Variants in SLC22A4 observed in about 807,000 individuals in gnomAD.
SLC22A4 encodes ET transporter.
Under a neutral mutation model 56.6 loss-of-function variants are expected in SLC22A4, and 39 were observed. The observed-to-expected ratio is 0.69, with a 90% CI of 0.53 to 0.90. The LOEUF (loss-of-function observed/expected upper bound fraction) is 0.90, where lower values mean the gene tolerates loss of function less well. SLC22A4 is among the 40% of genes least tolerant of loss of function. The pLI is 0.00. For synonymous variants in SLC22A4, 241 were observed against 281.4 expected (o/e 0.86, Z 1.44); for missense variants, 594 against 696.5 (o/e 0.85, Z 1.66).
At chr5:132,336,420 AG>A (rs1046277042) in intron 8 of SLC22A4, among the ~76,000 whole-genome samples, 126 of 152,288 alleles carry the variant, frequency 8.3e-4, no homozygotes, top group African/African-American at 2.8e-3. Flanking sequence ...GCTACTCTGG[AG>A]GCTGAGGTAG....
chr5:132,337,025 G>A (rs1751043244), intron 8 of SLC22A4, among the ~76,000 whole-genome samples: 1 of 152,132 alleles, frequency 6.6e-6, no homozygotes, highest in African/African-American at 2.4e-5. Flanking sequence ...TCATTTCCAG[G>A]TTTTTGCTAT....
chr5:132,337,066 A>G (rs1249470018), intron 8 of SLC22A4, among the ~76,000 whole-genome samples: 1 of 151,924 alleles, frequency 6.6e-6, no homozygotes, highest in Non-Finnish European at 1.5e-5. Flanking sequence ...ACATTCTCCT[A>G]TGCTCCTACA....
At chr5:132,296,895 G>T (rs1326096550) in intron 1 of SLC22A4, among the ~76,000 whole-genome samples, 1 of 140,934 alleles carries the variant, frequency 7.1e-6, no homozygotes, top group Non-Finnish European at 1.5e-5. Flanking sequence ...AGCTACTCAT[G>T]TTGTACGCTG....
intron 1 of SLC22A4, among the ~76,000 whole-genome samples, chr5:132,300,439 C>T (rs1184430237): frequency 6.6e-6 from 1 of 152,222 alleles, no homozygotes; most frequent in African/African-American, 2.4e-5. Context: ...ACAATTATTA[C>T]TGCAGTTTGC....
Position 132,333,725 on chromosome 5 carries a change from G to C in SLC22A4, c.1047-993G>C, listed in dbSNP as rs377612613. 4.7e-3 allele frequency among the ~76,000 whole-genome samples: 707 copies of C among 151,626 alleles called. 2 individuals are homozygous for C. The highest frequency in any genetic ancestry group is 7.8e-3 in the Non-Finnish European group (529 of 67,866). ...AGGAGGAAAGAGAAAAGAAGAGAGA[G>C]AGAAAATAAACTATCTCTTAGAAAA... On this transcript the variant is annotated intron_variant, in intron 6 of 9. Coordinates refer to ENST00000200652, the MANE Select transcript of SLC22A4 (RefSeq NM_003059.3).
chr5:132,339,166 CT>C (rs1306204259), intron 8 of SLC22A4, among the ~76,000 whole-genome samples: 7 of 152,200 alleles, frequency 4.6e-5, no homozygotes, highest in African/African-American at 1.7e-4. Context: ...GTGTATTCAT[CT>C]TTTTCTTTTT....
Position 132,312,181 on chromosome 5 carries a change from C to A in SLC22A4, c.414C>A (p.Asp138Glu), listed in dbSNP as rs769416460. Residue 138 changes from aspartate to glutamate, a missense_variant, in exon 2 of 10, where the codon GAC becomes GAA. Asp to Glu is a conservative substitution (Grantham distance 45). Coordinates refer to ENST00000200652, the MANE Select transcript of SLC22A4 (RefSeq NM_003059.3). ...GGCAGTGGAATCTGGTGTGTGAGGA[C>A]AACTGGAAGGTGCCCCTCACCACCT... Reference protein sequence around the residue: ...VVTEWNLVCEDNWKVPLTTSL... With the variant: ...VVTEWNLVCEENWKVPLTTSL... The A allele has an allele frequency of 6.2e-7, 1 of 1,611,214 alleles. No individual in the cohort carries two copies. The highest frequency in any genetic ancestry group is 8.5e-7 in the Non-Finnish European group (1 of 1,177,416).
At chr5:132,295,327 T>G in intron 1 of SLC22A4, 2 of 576,334 alleles carry the variant, frequency 3.5e-6, no homozygotes, top group East Asian at 4.0e-5. Flanking sequence ...AGCCCCAGGC[T>G]ACCCAGACGC....
At chr5:132,303,884 G>A (rs532616222) in intron 1 of SLC22A4, among the ~76,000 whole-genome samples, 4 of 152,248 alleles carry the variant, frequency 2.6e-5, no homozygotes, top group East Asian at 1.9e-4. Flanking sequence ...TTTGCCCAGC[G>A]GGGAGAGATA....
At chr5:132,304,108 A>G (rs1749969362) in intron 1 of SLC22A4, among the ~76,000 whole-genome samples, 1 of 152,222 alleles carries the variant, frequency 6.6e-6, no homozygotes, top group African/African-American at 2.4e-5. Context: ...AAACAAACAA[A>G]ACAAGAAAGA....
At chr5:132,298,535 T>G (rs1749830056) in intron 1 of SLC22A4, among the ~76,000 whole-genome samples, 1 of 152,192 alleles carries the variant, frequency 6.6e-6, no homozygotes, top group South Asian at 2.1e-4. Context: ...TGTTGGAGAT[T>G]GATTGCACAA....
At chr5:132,339,014 T>C (rs150191101) in intron 8 of SLC22A4, among the ~76,000 whole-genome samples, 11,806 of 152,228 alleles carry the variant, frequency 0.078, 604 homozygotes, top group South Asian at 0.15. Context: ...TGTTCAGAGA[T>C]TGCAGTAAAG....
At position 132,313,599 on chromosome 5, in the gene SLC22A4, T is replaced by C. The variant is rs753395519; in HGVS notation, c.498-15T>C. The C allele has an allele frequency of 5.0e-6, 8 of 1,613,836 alleles. No homozygotes were observed. The Admixed American group carries it at 1.2e-4, about 24-fold the overall frequency. On this transcript the variant is annotated splice_polypyrimidine_tract_variant and intron_variant, in intron 2 of 9. Coordinates refer to ENST00000200652, the MANE Select transcript of SLC22A4 (RefSeq NM_003059.3). Reference sequence around the variant, plus strand: ...CCTACACATCTCATGTTTTGTGTTATACTGCATTCTCTAGGTTTGGCAGGA... The same window carrying C: ...CCTACACATCTCATGTTTTGTGTTACACTGCATTCTCTAGGTTTGGCAGGA...
At chr5:132,312,993 TA>T (rs1164440106) in intron 2 of SLC22A4, among the ~76,000 whole-genome samples, 2 of 152,216 alleles carry the variant, frequency 1.3e-5, no homozygotes, top group African/African-American at 4.8e-5. Context: ...AATGTGAAGA[TA>T]ATACTTAAAA....
chr5:132,338,189 G>A (rs1751083687), intron 8 of SLC22A4, among the ~76,000 whole-genome samples: 1 of 152,150 alleles, frequency 6.6e-6, no homozygotes, highest in South Asian at 2.1e-4. Context: ...AAAGCTAGGT[G>A]TCCGGGGGAG....
Position 132,312,189 on chromosome 5 carries a change from A to G in SLC22A4, c.422A>G (p.Lys141Arg). 6.2e-7 allele frequency: 1 copy of G among 1,612,782 alleles called. No homozygotes were observed. Among genetic ancestry groups the G allele is most frequent in the African/African-American group, 1.3e-5 (1 of 75,036 alleles). Residue 141 changes from lysine to arginine, a missense_variant, in exon 2 of 10, where the codon AAG becomes AGG. By Grantham distance (26) the Lys-to-Arg change is conservative. Transcript: ENST00000200652. ...AATCTGGTGTGTGAGGACAACTGGA[A>G]GGTGCCCCTCACCACCTCCCTGTTC... The part of the protein sequence containing the change: ...EWNLVCEDNW[K>R]VPLTTSLFFV...
At position 132,334,863 on chromosome 5, in the gene SLC22A4, C is replaced by T. The variant is rs201371114; in HGVS notation, c.1192C>T (p.Arg398Cys). ...GCTGCTATTGCGAACCCTGCCCAGG[C>T]GTTATATCATAGCTGCAGTACTGTT... ...AWLLLRTLPR[R>C]YIIAAVLFWG... The change falls in exon 7 of 10, where the codon CGT becomes TGT. Residue 398 changes from arginine to cysteine, a missense_variant. By Grantham distance (180) the Arg-to-Cys change is radical. Coordinates refer to ENST00000200652, the MANE Select transcript of SLC22A4 (RefSeq NM_003059.3). 24 of 1,613,824 alleles carry T rather than the reference C, an allele frequency of 1.5e-5. No individual in the cohort carries two copies. The East Asian group carries it at 2.7e-4, about 18-fold the overall frequency.
At position 132,294,482 on chromosome 5, in the gene SLC22A4, C is replaced by T. The variant is rs1462158555; in HGVS notation, c.-135C>T. 7.1e-6 allele frequency: 9 copies of T among 1,274,094 alleles called. No individual in the cohort carries two copies. The highest frequency in any genetic ancestry group is 9.9e-6 in the Non-Finnish European group (9 of 908,716). 78.9% of individuals were successfully genotyped at this position (1,274,094 alleles called of 1,614,324 possible). On this transcript the variant is annotated 5_prime_UTR_variant, in exon 1 of 10. Transcript: ENST00000200652. The surrounding 1 kb of genome is among the most constrained non-coding windows in gnomAD (Gnocchi z 5.6). The stretch of plus-strand genomic sequence containing the variant: ...TTCCCAGGAACGGTCCCCGGCTTCG[C>T]GCCCCAATTTCTAACAGCCTGCCTG...
chr5:132,309,060 C>T (rs941625183), intron 1 of SLC22A4, among the ~76,000 whole-genome samples: 1 of 152,180 alleles, frequency 6.6e-6, no homozygotes. Flanking sequence ...GGTTTTGTGG[C>T]CCTGGCTAGC....
Sources: gnomAD v4.1 joint callset for allele counts (sites outside exome capture counted in the v4.1 genomes callset) on GRCh38, gnomAD v4.1.1 for gene constraint, Gnocchi (gnomAD v3.1) non-coding constraint, MANE v1.5 for transcripts, NCBI Gene and HGNC (gene_info 2026-07-23, HGNC 2026-07-21) for gene names.